KCND2: variants seen among roughly 807,000 people sequenced by gnomAD.
KCND2 encodes potassium voltage-gated channel subfamily D member 2.
KCND2 carries 16 observed loss-of-function variants against 54.4 expected under a neutral mutation model. That is an observed-to-expected ratio of 0.29 (90% CI 0.20 to 0.45). The LOEUF (loss-of-function observed/expected upper bound fraction) is 0.45, where lower values mean the gene tolerates loss of function less well. Among genes scored for constraint, KCND2 ranks in the 20% least tolerant of loss-of-function variants. The pLI is 1.00. For missense variants in KCND2, 486 were observed against 824.2 expected, an observed-to-expected ratio of 0.59 and a Z score of 5.02; for synonymous variants, 317 against 310.7, an observed-to-expected ratio of 1.02 and a Z score of -0.21.
rs545276399 is a variant in KCND2, at chr7:120,694,323, A to G, written c.1116-38580A>G. Among the ~76,000 whole-genome samples, 4 of 152,324 alleles carry G rather than the reference A, an allele frequency of 2.6e-5. No individual in the cohort carries two copies. In the East Asian group the frequency reaches 7.7e-4, roughly 29 times the overall value. ...TAATGTTGGACACCTATATCTAGATATAGGTGATCTTTACAAAGTATTGTC... is the reference window on the plus strand; with the variant it reads ...TAATGTTGGACACCTATATCTAGATGTAGGTGATCTTTACAAAGTATTGTC... On this transcript the variant is annotated intron_variant, in intron 1 of 5. Transcript: ENST00000331113.
At chr7:120,464,258 A>T (rs1156875315) in intron 1 of KCND2, among the ~76,000 whole-genome samples, 1 of 151,568 alleles carries the variant, frequency 6.6e-6, no homozygotes, top group African/African-American at 2.4e-5. Context: ...ATTTCCAGAG[A>T]TCCAAGACAA....
intron 1 of KCND2, among the ~76,000 whole-genome samples, chr7:120,682,998 A>G (rs1479922459): frequency 6.6e-6 from 1 of 152,178 alleles, no homozygotes; most frequent in South Asian, 2.1e-4. Context: ...AGGGACTTCT[A>G]GAAGACTCCC....
At chr7:120,746,315 A>G (rs1793006441) in intron 5 of KCND2, among the ~76,000 whole-genome samples, 1 of 152,174 alleles carries the variant, frequency 6.6e-6, no homozygotes, top group African/African-American at 2.4e-5. Context: ...TTATTTGGGC[A>G]AGGACTTTTA....
chr7:120,472,968 A>C (rs189172635), intron 1 of KCND2, among the ~76,000 whole-genome samples: 1 of 152,312 alleles, frequency 6.6e-6, no homozygotes, highest in Admixed American at 6.5e-5. Flanking sequence ...ACCTGTCAAA[A>C]TGTAGACAGT....
rs1793028724 is a variant in KCND2 at position 120,748,133 on chromosome 7, A to G, written c.*275A>G. 3.8e-6 allele frequency: 1 copy of G among 259,896 alleles called. No individual in the cohort carries two copies. The highest frequency in any genetic ancestry group is 7.2e-5 in the East Asian group (1 of 13,840). The allele number at this position is 259,896 out of a possible 1,614,324, so 16.1% of individuals were successfully genotyped here. A position where few individuals can be genotyped will look rare whatever the true frequency, so the allele number is the denominator to read the frequency against. The stretch of plus-strand genomic sequence containing the variant: ...CCGCCTACTGATGCTTCTTATGATC[A>G]GAACTCTTTTTTAATAAAATAAATA... On this transcript the variant is annotated 3_prime_UTR_variant, in exon 6 of 6. Transcript: ENST00000331113.
chr7:120,603,517 G>A (rs1449493974), intron 1 of KCND2, among the ~76,000 whole-genome samples: 1 of 152,174 alleles, frequency 6.6e-6, no homozygotes, highest in African/African-American at 2.4e-5. Flanking sequence ...GCCCAGCACT[G>A]AGCTTGATAT....
intron 1 of KCND2, among the ~76,000 whole-genome samples, chr7:120,508,571 C>A (rs1256401626): frequency 1.3e-5 from 2 of 151,866 alleles, no homozygotes; most frequent in African/African-American, 4.8e-5. Flanking sequence ...TCATATCTTC[C>A]AAAATGATTG....
intron 1 of KCND2, among the ~76,000 whole-genome samples, chr7:120,324,980 C>T (rs1584730864): frequency 8.0e-6 from 1 of 124,328 alleles, no homozygotes; most frequent in East Asian, 2.5e-4. Flanking sequence ...TTTCCTTGAG[C>T]AGTGGTTTGT....
intron 1 of KCND2, among the ~76,000 whole-genome samples, chr7:120,531,336 G>GC (rs1218695264): frequency 6.6e-6 from 1 of 151,972 alleles, no homozygotes; most frequent in Non-Finnish European, 1.5e-5. Flanking sequence ...CTTTACCCAT[G>GC]CACTTCCCTA....
chr7:120,581,632 G>T (rs528899517), intron 1 of KCND2, among the ~76,000 whole-genome samples: 10 of 152,234 alleles, frequency 6.6e-5, no homozygotes, highest in African/African-American at 2.2e-4. Flanking sequence ...GTAGTTTGTA[G>T]CTTTAGTGTT....
At chr7:120,430,236 C>T (rs2116162190) in intron 1 of KCND2, among the ~76,000 whole-genome samples, 1 of 152,254 alleles carries the variant, frequency 6.6e-6, no homozygotes, top group East Asian at 1.9e-4. Flanking sequence ...TCCCTGTGTC[C>T]TCACATGGCC....
chr7:120,345,826 C>T (rs976411807), intron 1 of KCND2, among the ~76,000 whole-genome samples: 75 of 152,170 alleles, frequency 4.9e-4, no homozygotes, highest in African/African-American at 1.5e-3. Flanking sequence ...AACATCTCTT[C>T]GAGATCTTGT....
In KCND2 at chr7:120,584,770, GCACA is replaced by G. The variant is rs376799993; in HGVS notation, c.1116-148123_1116-148120del. Among the ~76,000 whole-genome samples the G allele has an allele frequency of 3.8e-3, 576 of 152,130 alleles. 2 individuals carry two copies. Among genetic ancestry groups the G allele is most frequent in the African/African-American group, 0.013 (531 of 41,510 alleles). On this transcript the variant is annotated intron_variant, in intron 1 of 5. Transcript: ENST00000331113. ...CTCACGCACACACACGCATGCGCGT[GCACA>G]CACACACACTTTGGGTGAAAGATGC...
At chr7:120,709,998 A>C (rs529818730) in intron 1 of KCND2, among the ~76,000 whole-genome samples, 2 of 152,204 alleles carry the variant, frequency 1.3e-5, no homozygotes, top group Non-Finnish European at 2.9e-5. Context: ...TCCAGACAGC[A>C]ACAGCAGACC....
At chr7:120,597,161 C>T (rs564717358) in intron 1 of KCND2, among the ~76,000 whole-genome samples, 10 of 152,194 alleles carry the variant, frequency 6.6e-5, no homozygotes, top group African/African-American at 1.4e-4. Flanking sequence ...GAGCTAGGAA[C>T]GGCAGCCCTG....
intron 1 of KCND2, among the ~76,000 whole-genome samples, chr7:120,590,905 T>A (rs1017800355): frequency 6.6e-6 from 1 of 152,206 alleles, no homozygotes; most frequent in Non-Finnish European, 1.5e-5. Flanking sequence ...TATGTTTCAG[T>A]ATCAGAGAAA....
Position 120,650,621 on chromosome 7 carries a change from A to G in KCND2, c.1116-82282A>G, listed in dbSNP as rs1791718171. Among the ~76,000 whole-genome samples, 5 of 143,948 alleles carry G rather than the reference A, an allele frequency of 3.5e-5. 1 individual carries two copies. The highest frequency in any genetic ancestry group is 3.4e-4 in the Admixed American group (5 of 14,844). The allele number at this position is 143,948 out of a possible 152,430, so 94.4% of individuals were successfully genotyped here. Reference sequence around the variant, plus strand: ...AAGCCTTCTTCTCCCGACTCGTCAAAGTCATTCTCTGTCCAGCTTTGTTCC... The same window carrying G: ...AAGCCTTCTTCTCCCGACTCGTCAAGGTCATTCTCTGTCCAGCTTTGTTCC... On this transcript the variant is annotated intron_variant, in intron 1 of 5. Coordinates refer to ENST00000331113, the MANE Select transcript of KCND2 (RefSeq NM_012281.3).
chr7:120,713,982 T>G (rs1221196663), intron 1 of KCND2, among the ~76,000 whole-genome samples: 1 of 152,178 alleles, frequency 6.6e-6, no homozygotes, highest in Non-Finnish European at 1.5e-5. Flanking sequence ...TTTGCAATAA[T>G]TTATTCAAGA....
chr7:120,565,429 G>A (rs957051943), intron 1 of KCND2, among the ~76,000 whole-genome samples: 13 of 152,074 alleles, frequency 8.5e-5, no homozygotes, highest in Admixed American at 2.6e-4. Context: ...CCAACTTCTT[G>A]GTCTGCATCT....
Sources: gnomAD v4.1 joint callset for allele counts (sites outside exome capture counted in the v4.1 genomes callset) on GRCh38, gnomAD v4.1.1 for gene constraint, MANE v1.5 for transcripts, NCBI Gene and HGNC (gene_info 2026-07-23, HGNC 2026-07-21) for gene names.